The following COL5A2 variants were observed in gnomAD, a reference collection of about 807,000 sequenced individuals.
COL5A2 encodes the protein collagen alpha-2(V) chain.
Under a neutral mutation model 208.2 loss-of-function variants are expected in COL5A2, and 23 were observed. The observed-to-expected ratio is 0.11, with a 90% CI of 0.08 to 0.16. The LOEUF (loss-of-function observed/expected upper bound fraction) is 0.16, where lower values mean the gene tolerates loss of function less well. Ranked by LOEUF, COL5A2 falls within the 10% of genes least tolerant of loss-of-function variation. The pLI is 1.00. For missense variants in COL5A2, 1,590 were observed against 1,956.4 expected (o/e 0.81, Z 3.53); for synonymous variants, 625 against 628.5 (o/e 0.99, Z 0.08).
At chr2:189,291,275 T>C in the COL5A2 span, among the ~76,000 whole-genome samples, 1 of 152,102 alleles carries the variant, frequency 6.6e-6, no homozygotes, top group Non-Finnish European at 1.5e-5. Flanking sequence ...ATCCACTCAA[T>C]AGAGAAGGCT....
At chr2:189,120,110 A>G (rs1195431197) in intron 1 of COL5A2, among the ~76,000 whole-genome samples, 2 of 152,146 alleles carry the variant, frequency 1.3e-5, no homozygotes, top group Non-Finnish European at 2.9e-5. Flanking sequence ...AAATATAATA[A>G]CAATTTTATT....
intron 15 of COL5A2, 107 bp downstream of exon 15, chr2:189,078,956 T>C (rs1686473435): frequency 1.1e-6 from 1 of 897,206 alleles, no homozygotes; most frequent in Non-Finnish European, 1.8e-6. Flanking sequence ...AGCCAACATA[T>C]GTTGTCCATT....
the COL5A2 span, among the ~76,000 whole-genome samples, chr2:189,233,477 C>A: frequency 2.0e-5 from 3 of 151,242 alleles, no homozygotes; most frequent in African/African-American, 4.8e-5. Flanking sequence ...AAAAAGTAGT[C>A]ACCAGAAAAG....
intron 1 of COL5A2, among the ~76,000 whole-genome samples, chr2:189,215,803 C>A (rs1689272043): frequency 6.6e-6 from 1 of 152,054 alleles, no homozygotes; most frequent in Admixed American, 6.6e-5. Flanking sequence ...ACCTCTTTCG[C>A]CTATTCTAAA....
chr2:189,289,331 ACT>A, the COL5A2 span, among the ~76,000 whole-genome samples: 1 of 151,784 alleles, frequency 6.6e-6, no homozygotes, highest in Admixed American at 6.6e-5. Context: ...CCCGATCAAG[ACT>A]CTATCTAAAA....
chr2:189,058,908 T>G lies in COL5A2; in HGVS notation c.2086-15A>C, dbSNP rs761084078. 3.7e-6 allele frequency: 6 copies of G among 1,611,698 alleles called. No homozygotes were observed. In the South Asian group the frequency reaches 6.6e-5, roughly 18 times the overall value. On this transcript the variant is annotated splice_polypyrimidine_tract_variant and intron_variant, in intron 31 of 53. Coordinates refer to ENST00000374866, the MANE Select transcript of COL5A2 (RefSeq NM_000393.5). ...CCAGGAACACCCTATAAACACATTT[T>G]TTTTTTTTAATGGAACAAGAGCTTT...
intron 1 of COL5A2, among the ~76,000 whole-genome samples, chr2:189,205,102 T>C (rs1425085365): frequency 6.6e-6 from 1 of 152,200 alleles, no homozygotes; most frequent in Non-Finnish European, 1.5e-5. Context: ...CACCTTTATG[T>C]TGAGTCATTT....
intron 17 of COL5A2, among the ~76,000 whole-genome samples, chr2:189,074,546 A>G (rs1037750576): frequency 1.3e-5 from 2 of 152,160 alleles, no homozygotes; most frequent in Non-Finnish European, 2.9e-5. Flanking sequence ...AAAATTTCCA[A>G]AACTACATTT....
At chr2:189,296,749 C>A in the COL5A2 span, among the ~76,000 whole-genome samples, 1 of 152,150 alleles carries the variant, frequency 6.6e-6, no homozygotes, top group African/African-American at 2.4e-5. Context: ...GACTGGAACT[C>A]CAAACTCTGT....
At chr2:189,243,867 A>T in the COL5A2 span, among the ~76,000 whole-genome samples, 3 of 152,326 alleles carry the variant, frequency 2.0e-5, no homozygotes, top group African/African-American at 7.2e-5. Context: ...CGGCCATTCA[A>T]AATGGGAGAA....
At chr2:189,118,940 T>C (rs1687448236) in intron 1 of COL5A2, among the ~76,000 whole-genome samples, 1 of 12,296 alleles carries the variant, frequency 8.1e-5, no homozygotes, top group Admixed American at 2.1e-3. Flanking sequence ...TAATAGAATC[T>C]TTAAAAAAAA....
At chr2:189,339,678 G>C in the COL5A2 span, among the ~76,000 whole-genome samples, 1 of 152,176 alleles carries the variant, frequency 6.6e-6, no homozygotes, top group Non-Finnish European at 1.5e-5. Flanking sequence ...GTAACTATGT[G>C]TGGGAAAATA....
intron 1 of COL5A2, among the ~76,000 whole-genome samples, chr2:189,134,675 C>T (rs889190507): frequency 1.3e-5 from 2 of 152,100 alleles, no homozygotes; most frequent in Non-Finnish European, 2.9e-5. Context: ...TAAAAAAATC[C>T]TACATGAAAA....
chr2:189,290,415 G>C, the COL5A2 span, among the ~76,000 whole-genome samples: 1 of 152,220 alleles, frequency 6.6e-6, no homozygotes, highest in South Asian at 2.1e-4. Context: ...CAAGAGTGTA[G>C]TGTCATGGCA....
intron 45 of COL5A2, among the ~76,000 whole-genome samples, chr2:189,047,378 T>C (rs973081285): frequency 6.6e-6 from 1 of 152,228 alleles, no homozygotes; most frequent in Non-Finnish European, 1.5e-5. Flanking sequence ...GAGCGGGACT[T>C]AGCCCAAGCT....
chr2:189,092,258 A>C, intron 7 of COL5A2, 52 bp downstream of exon 7: 1 of 1,105,212 alleles, frequency 9.0e-7, no homozygotes, highest in Non-Finnish European at 1.4e-6. Context: ...ACAATATATC[A>C]ATAATTTAAA....
intron 1 of COL5A2, among the ~76,000 whole-genome samples, chr2:189,201,049 T>A (rs962136246): frequency 2.6e-5 from 4 of 152,028 alleles, no homozygotes; most frequent in African/African-American, 9.6e-5. Flanking sequence ...ATAGTTAAAG[T>A]GAAGGTAAAC....
the COL5A2 span, among the ~76,000 whole-genome samples, chr2:189,245,609 C>T: frequency 5.4e-4 from 82 of 151,820 alleles, 1 homozygote; most frequent in East Asian, 6.0e-3. Context: ...CTCAGCCTCC[C>T]GAGTAGCTGG....
chr2:189,256,352 T>C, the COL5A2 span, among the ~76,000 whole-genome samples: 1 of 152,194 alleles, frequency 6.6e-6, no homozygotes, highest in East Asian at 1.9e-4. Context: ...ATTTTCTTCC[T>C]GGTAGAATTA....
Sources: gnomAD v4.1 joint callset for allele counts (sites outside exome capture counted in the v4.1 genomes callset) on GRCh38, gnomAD v4.1.1 for gene constraint, MANE v1.5 for transcripts, NCBI Gene and HGNC (gene_info 2026-07-23, HGNC 2026-07-21) for gene names.